ZNF407: variants seen among roughly 807,000 people sequenced by gnomAD.
The protein encoded by ZNF407 is zinc finger protein 407.
In ZNF407, 17 loss-of-function variants were observed where a neutral mutation model predicts 131.2. That is an observed-to-expected ratio of 0.13 (90% CI 0.09 to 0.19). The LOEUF is 0.19. Among genes scored for constraint, ZNF407 ranks in the 10% least tolerant of loss-of-function variants. The probability of loss-of-function intolerance (pLI) is 1.00; values close to 1 mark genes in which losing one functional copy is unlikely to be tolerated. For missense variants in ZNF407, 2,681 were observed against 2,830.6 expected, an observed-to-expected ratio of 0.95 and a Z score of 1.20; for synonymous variants, 1,156 against 1,062.0, an observed-to-expected ratio of 1.09 and a Z score of -1.72.
At chr18:74,999,438 G>A (rs1037259694) in intron 8 of ZNF407, among the ~76,000 whole-genome samples, 11 of 147,558 alleles carry the variant, frequency 7.5e-5, no homozygotes, top group Admixed American at 5.5e-4. Context: ...ACTGTGATTC[G>A]TGTCTGCTTT....
chr18:75,006,830 T>C (rs1972916599), intron 8 of ZNF407, among the ~76,000 whole-genome samples: 1 of 148,682 alleles, frequency 6.7e-6, no homozygotes. Flanking sequence ...ATTTTTTTTC[T>C]TTTTTTTTCT....
chr18:74,733,020 T>C (rs1473419177), intron 3 of ZNF407, among the ~76,000 whole-genome samples: 1 of 152,174 alleles, frequency 6.6e-6, no homozygotes, highest in East Asian at 1.9e-4. Context: ...TGATTGGAGT[T>C]ACACATAGAC....
intron 3 of ZNF407, among the ~76,000 whole-genome samples, chr18:74,755,769 C>CTTTCTTTCT (rs1555684098): frequency 8.4e-6 from 1 of 119,148 alleles, no homozygotes; most frequent in African/African-American, 3.9e-5. Context: ...TTCTTTCTTT[C>CTTTCTTTCT]TTTCTCTCTC....
intron 1 of ZNF407, among the ~76,000 whole-genome samples, chr18:74,620,434 G>A (rs1983465580): frequency 6.6e-6 from 1 of 152,188 alleles, no homozygotes; most frequent in South Asian, 2.1e-4. Context: ...ATCCCTGTCA[G>A]GATGGACTTC....
At chr18:74,943,869 C>G (rs931045514) in intron 8 of ZNF407, among the ~76,000 whole-genome samples, 7 of 152,010 alleles carry the variant, frequency 4.6e-5, no homozygotes, top group Non-Finnish European at 8.8e-5. Context: ...GGAAAGTTTC[C>G]CAGCATAAAG....
chr18:74,759,770 ATTTC>A (rs1398384242), intron 3 of ZNF407, among the ~76,000 whole-genome samples: 9 of 133,312 alleles, frequency 6.8e-5, no homozygotes, highest in Non-Finnish European at 1.1e-4. Flanking sequence ...ATTTTCCTGT[ATTTC>A]TTATTTCCTG....
intron 4 of ZNF407, among the ~76,000 whole-genome samples, chr18:74,797,500 C>G (rs1199211563): frequency 6.6e-6 from 1 of 152,184 alleles, no homozygotes; most frequent in Non-Finnish European, 1.5e-5. Flanking sequence ...ATCTGAAAAT[C>G]TTATAATGTG....
At chr18:74,798,406 AT>A (rs1169111188) in intron 4 of ZNF407, among the ~76,000 whole-genome samples, 6 of 152,150 alleles carry the variant, frequency 3.9e-5, no homozygotes, top group Non-Finnish European at 7.4e-5. Flanking sequence ...ATTTAATATA[AT>A]TTAAGTAGGA....
At chr18:74,938,543 C>T (rs1347988074) in intron 8 of ZNF407, among the ~76,000 whole-genome samples, 1 of 152,116 alleles carries the variant, frequency 6.6e-6, no homozygotes, top group Admixed American at 6.5e-5. Context: ...TCCATTTACT[C>T]GTGTACCACT....
intron 7 of ZNF407, among the ~76,000 whole-genome samples, chr18:74,896,861 TC>T (rs1219660083): frequency 6.6e-6 from 1 of 152,240 alleles, no homozygotes; most frequent in Non-Finnish European, 1.5e-5. Context: ...AATCTATTCT[TC>T]CTTTTTTTCT....
chr18:74,647,827 G>A (rs1985042467), intron 3 of ZNF407, among the ~76,000 whole-genome samples: 1 of 152,194 alleles, frequency 6.6e-6, no homozygotes, highest in Non-Finnish European at 1.5e-5. Context: ...GCAAGGCTGA[G>A]TGAGAACACA....
chr18:74,925,916 AT>A (rs1288551956), intron 8 of ZNF407, among the ~76,000 whole-genome samples: 1 of 152,204 alleles, frequency 6.6e-6, no homozygotes, highest in African/African-American at 2.4e-5. Context: ...TAGATGTTAG[AT>A]TTACAGGTCT....
chr18:74,847,800 A>G (rs1970722314), intron 4 of ZNF407, among the ~76,000 whole-genome samples: 1 of 151,556 alleles, frequency 6.6e-6, no homozygotes, highest in African/African-American at 2.4e-5. Flanking sequence ...ATTTTTTGTC[A>G]TTTAAAAATA....
intron 3 of ZNF407, among the ~76,000 whole-genome samples, chr18:74,734,672 TG>T (rs1968371278): frequency 1.5e-5 from 1 of 64,762 alleles, no homozygotes; most frequent in African/African-American, 6.0e-5. Flanking sequence ...AGTTTCAATT[TG>T]TGTGTGTGTG....
At chr18:74,781,284 C>T in intron 3 of ZNF407, 144 bp from the exon 4 acceptor site, 5 of 561,404 alleles carry the variant, frequency 8.9e-6, no homozygotes. Flanking sequence ...AATCTGTATG[C>T]AAGCTTTGGT....
chr18:74,811,307 A>T (rs1970191387), intron 4 of ZNF407, among the ~76,000 whole-genome samples: 1 of 152,184 alleles, frequency 6.6e-6, no homozygotes. Context: ...GAGAAATGCA[A>T]ATCAAAACCA....
At chr18:74,694,055 C>T (rs144084031) in intron 3 of ZNF407, among the ~76,000 whole-genome samples, 5 of 152,170 alleles carry the variant, frequency 3.3e-5, no homozygotes, top group African/African-American at 7.2e-5. Flanking sequence ...GGTTACATTT[C>T]GTTGCTTGTT....
intron 7 of ZNF407, among the ~76,000 whole-genome samples, chr18:74,916,675 GGTT>G (rs1971773382): frequency 7.3e-6 from 1 of 137,316 alleles, no homozygotes. Flanking sequence ...GGTATGGTGA[GGTT>G]GTATGCAGCA....
At chr18:74,980,679 T>A (rs1156239156) in intron 8 of ZNF407, among the ~76,000 whole-genome samples, 2 of 152,190 alleles carry the variant, frequency 1.3e-5, no homozygotes, top group African/African-American at 2.4e-5. Context: ...TCTATGAGGA[T>A]GATAGTTTCC....
Sources: gnomAD v4.1 joint callset for allele counts (sites outside exome capture counted in the v4.1 genomes callset) on GRCh38, gnomAD v4.1.1 for gene constraint, MANE v1.5 for transcripts, NCBI Gene and HGNC (gene_info 2026-07-23, HGNC 2026-07-21) for gene names.